PRRC2B: variants seen among roughly 807,000 people sequenced by gnomAD.
PRRC2B encodes proline rich coiled-coil 2B, also known as protein PRRC2B.
In PRRC2B, 68 loss-of-function variants were observed where a neutral mutation model predicts 242.3. The observed-to-expected ratio is 0.28, with a 90% confidence interval of 0.23 to 0.34. The LOEUF is 0.34. Among genes scored for constraint, PRRC2B ranks in the 10% least tolerant of loss-of-function variants. PRRC2B has a pLI of 1.00. For synonymous variants in PRRC2B, 1,228 were observed against 1,173.6 expected, an observed-to-expected ratio of 1.05 and a Z score of -0.95; for missense variants, 2,835 against 2,954.8, an observed-to-expected ratio of 0.96 and a Z score of 0.94.
chr9:131,438,374 G>C (rs1196511083), intron 4 of PRRC2B, among the ~76,000 whole-genome samples: 1 of 152,070 alleles, frequency 6.6e-6, no homozygotes, highest in Non-Finnish European at 1.5e-5. Flanking sequence ...CCTTCTCAGG[G>C]GGTGGTGAGC....
At chr9:131,486,991 T>G (rs1944041785) in intron 26 of PRRC2B, among the ~76,000 whole-genome samples, 176 bp from the exon 27 acceptor site, 1 of 152,106 alleles carries the variant, frequency 6.6e-6, no homozygotes, top group South Asian at 2.1e-4. Context: ...TTGCTACCAG[T>G]TTTTCATTAT....
At chr9:131,394,843 C>T (rs1836998923) in intron 1 of PRRC2B, among the ~76,000 whole-genome samples, 1 of 151,918 alleles carries the variant, frequency 6.6e-6, no homozygotes, top group Admixed American at 6.6e-5. Context: ...GGCGAGCGGC[C>T]GCCCAGTCTC....
intron 1 of PRRC2B, among the ~76,000 whole-genome samples, chr9:131,398,447 A>T (rs774138381): frequency 2.0e-5 from 3 of 152,230 alleles, no homozygotes; most frequent in Non-Finnish European, 2.9e-5. Flanking sequence ...AACAAAGCCT[A>T]TCTCAAGTTG....
At chr9:131,467,438 A>G in intron 12 of PRRC2B, 125 bp from the exon 13 acceptor site, 1 of 827,480 alleles carries the variant, frequency 1.2e-6, no homozygotes, top group African/African-American at 1.7e-5. Context: ...GCCAGGGTTC[A>G]GGGACGTGAC....
chr9:131,475,848 G>T lies in PRRC2B; in HGVS notation c.3719G>T (p.Gly1240Val). 6.2e-7 allele frequency: 1 copy of T among 1,613,580 alleles called. No individual in the cohort carries two copies. Among genetic ancestry groups the T allele is most frequent in the Non-Finnish European group, 8.5e-7 (1 of 1,179,584 alleles). Reference sequence around the variant, plus strand: ...CCAGGCAGCTCTTGGCAGGAATATGGCCCTTCCGACACATGCGGATCCCGG... The same window carrying T: ...CCAGGCAGCTCTTGGCAGGAATATGTCCCTTCCGACACATGCGGATCCCGG... Reference protein sequence around the residue: ...KSPGSSWQEYGPSDTCGSRRP... With the variant: ...KSPGSSWQEYVPSDTCGSRRP... The change falls in exon 16 of 32, where the codon GGC (glycine) becomes GTC (valine). Residue 1240 changes from glycine to valine, a missense_variant. Gly to Val is a moderately radical substitution (Grantham distance 109). Around this residue, in one of 7 missense-constraint regions of PRRC2B, gnomAD observed 1,536 missense variants for 1,483.1 expected, o/e 1.04. Transcript: ENST00000683519.
chr9:131,390,104 A>G (rs560819656), upstream of PRRC2B, among the ~76,000 whole-genome samples: 75 of 149,208 alleles, frequency 5.0e-4, no homozygotes, highest in African/African-American at 1.7e-3. Flanking sequence ...TGGTAGAGAC[A>G]GGGTTTCACC....
rs542255066 is a variant in PRRC2B at position 131,431,837 on chromosome 9, C to T, written c.116-780C>T. On this transcript the variant is annotated intron_variant, in intron 2 of 31. Transcript: ENST00000683519. Reference sequence around the variant, plus strand: ...TCCTGACCTCGTGATCCGCCCGCCTCGGCCTCCCAAAGTGCTGAGATTACA... The same window carrying T: ...TCCTGACCTCGTGATCCGCCCGCCTTGGCCTCCCAAAGTGCTGAGATTACA... 2.0e-3 allele frequency among the ~76,000 whole-genome samples: 306 copies of T among 151,418 alleles called. 1 individual carries two copies. Among genetic ancestry groups the T allele is most frequent in the African/African-American group, 6.9e-3 (284 of 41,304 alleles).
rs1332564585 is a variant in PRRC2B at position 131,484,740 on chromosome 9, G to A, written c.5515G>A (p.Ala1839Thr). Residue 1839 changes from alanine (A) to threonine (T), a missense_variant, in exon 24 of 32, where the codon GCC (alanine) becomes ACC (threonine). Physicochemically the swap from Ala to Thr is moderately conservative, Grantham distance 58 (BLOSUM62 0). Transcript: ENST00000683519. ...GCGGCGGGACCATCACATCCAGAGG[G>A]CCATCGGTCTCTCCCCAATGTCCTT... The part of the protein sequence containing the change: ...ILRRDHHIQR[A>T]IGLSPMSFPT... The A allele has an allele frequency of 3.7e-6, 6 of 1,612,934 alleles. No homozygotes were observed. In the Admixed American group the frequency reaches 8.4e-5, roughly 22 times the overall value.
chr9:131,482,603 G>A lies in PRRC2B; in HGVS notation c.5175+41G>A, dbSNP rs1249298948. 1 of 1,553,286 alleles carries A rather than the reference G, an allele frequency of 6.4e-7. No individual in the cohort carries two copies. The highest frequency in any genetic ancestry group is 8.7e-7 in the Non-Finnish European group (1 of 1,145,630). On this transcript the variant is annotated intron_variant, in intron 21 of 31. Transcript: ENST00000683519. The surrounding 1 kb of genome is among the most constrained non-coding windows in gnomAD (Gnocchi z 5.2). ...CAGTCACAGTGGCCAGGGCCTGGGT[G>A]GAAGGGGCCATCGTCTCATCATCTT... is the stretch of plus-strand genomic sequence containing the variant.
intron 1 of PRRC2B, among the ~76,000 whole-genome samples, chr9:131,387,756 G>A (rs139771269): frequency 0.013 from 2,014 of 149,796 alleles, 72 homozygotes; most frequent in African/African-American, 0.044. Context: ...GCACTGAGTG[G>A]CATGTGCTAT....
intron 1 of PRRC2B, among the ~76,000 whole-genome samples, chr9:131,413,197 G>A (rs1038623893): frequency 2.6e-5 from 4 of 152,170 alleles, no homozygotes; most frequent in African/African-American, 9.7e-5. Context: ...ATTTGAAGGT[G>A]TTTTTACCTT....
Position 131,476,551 on chromosome 9 carries a change from A to G in PRRC2B, c.4406+16A>G, listed in dbSNP as rs927176892. On this transcript the variant is annotated intron_variant, in intron 16 of 31. Coordinates refer to ENST00000683519, the MANE Select transcript of PRRC2B (RefSeq NM_013318.4). The stretch of plus-strand genomic sequence containing the variant: ...AAGTGAAAAGGTAAAACCAGACACC[A>G]TCTGGGCCCTTTTTGTTGTTGTGTT... The G allele has an allele frequency of 3.9e-6, 6 of 1,552,564 alleles. No individual in the cohort carries two copies. Among genetic ancestry groups the G allele is most frequent in the South Asian group, 1.2e-5 (1 of 82,904 alleles).
rs1315764806 is a variant in PRRC2B at position 131,487,441 on chromosome 9, T to C, written c.5984+147T>C. On this transcript the variant is annotated intron_variant, in intron 27 of 31. Transcript: ENST00000683519. This position sits in a 1 kb window ranked among gnomAD's most constrained non-coding sequence, Gnocchi z 5.3. ...GGTGGGAGTTTGCTCTGAATCACTC[T>C]TCAGTCCGTTGTTAACTGTGCTCTA... is the stretch of plus-strand genomic sequence containing the variant. 3 of 814,986 alleles carry C rather than the reference T, an allele frequency of 3.7e-6. No individual in the cohort carries two copies. In the East Asian group the frequency reaches 8.2e-5, roughly 22 times the overall value. 50.5% of individuals were successfully genotyped at this position (814,986 alleles called of 1,614,324 possible). A position where few individuals can be genotyped will look rare whatever the true frequency, so the allele number is the denominator to read the frequency against.
intron 28 of PRRC2B, among the ~76,000 whole-genome samples, chr9:131,488,647 T>C (rs1944095604): frequency 6.6e-6 from 1 of 152,096 alleles, no homozygotes; most frequent in Non-Finnish European, 1.5e-5. Flanking sequence ...CTCCTTCCTT[T>C]CTCCCTGCCC....
At position 131,474,875 on chromosome 9, in the gene PRRC2B, C is replaced by T; in HGVS notation, c.2746C>T (p.Pro916Ser). 6.2e-7 allele frequency: 1 copy of T among 1,603,122 alleles called. No individual in the cohort carries two copies. Among genetic ancestry groups the T allele is most frequent in the South Asian group, 1.1e-5 (1 of 89,344 alleles). ...GSPNKQPSSE[P>S]EWTPEPRSSS... ...CCCCAACAAACAGCCATCCTCGGAG[C>T]CTGAATGGACTCCCGAGCCCCGGAG... is the stretch of plus-strand genomic sequence containing the variant. The change falls in exon 16 of 32, where the codon CCT (proline) becomes TCT (serine). Residue 916 changes from proline to serine, a missense_variant. Pro to Ser is a moderately conservative substitution (Grantham distance 74). Coordinates refer to ENST00000683519, the MANE Select transcript of PRRC2B (RefSeq NM_013318.4).
intron 1 of PRRC2B, 36 bp from the exon 2 acceptor site, chr9:131,430,058 C>CTCTTTTTTTTTTTTTTTTT: frequency 1.6e-6 from 1 of 633,842 alleles, no homozygotes; most frequent in South Asian, 2.0e-5. Flanking sequence ...TTTTTTCTCT[C>CTCTTTTTTTTTTTTTTTTT]TCTTTTTTTT....
chr9:131,404,687 G>T (rs535829792), intron 1 of PRRC2B, among the ~76,000 whole-genome samples: 1 of 152,286 alleles, frequency 6.6e-6, no homozygotes, highest in South Asian at 2.1e-4. Context: ...GCATGCTGCT[G>T]CCCTTTCACG....
At chr9:131,476,613 G>GC (rs1313853687) in intron 16 of PRRC2B, 78 bp downstream of exon 16, 87 of 1,346,948 alleles carry the variant, frequency 6.5e-5, no homozygotes, top group Admixed American at 1.8e-4. Context: ...CATGCATGCC[G>GC]ATGCCGCCGT....
chr9:131,411,364 T>C (rs1401073236), intron 1 of PRRC2B, among the ~76,000 whole-genome samples: 9 of 119,126 alleles, frequency 7.6e-5, no homozygotes, highest in Non-Finnish European at 1.4e-4. Flanking sequence ...TTTTTTTTTT[T>C]GAGACGGAGT....
Sources: gnomAD v4.1 joint callset for allele counts (sites outside exome capture counted in the v4.1 genomes callset) on GRCh38, gnomAD v4.1.1 for gene constraint, gnomAD v4.1.1 regional missense constraint, Gnocchi (gnomAD v3.1) non-coding constraint, MANE v1.5 for transcripts, NCBI Gene and HGNC (gene_info 2026-07-23, HGNC 2026-07-21) for gene names.